LCMT1: variants seen among roughly 807,000 people sequenced by gnomAD.
LCMT1 encodes [Phosphatase 2A protein]-leucine-carboxy methyltransferase 1.
LCMT1 carries 32 observed loss-of-function variants against 47.7 expected under a neutral mutation model. That is an observed-to-expected ratio of 0.67 (90% CI 0.51 to 0.90). LCMT1 has a LOEUF of 0.90. Among genes scored for constraint, LCMT1 ranks in the 40% least tolerant of loss-of-function variants. LCMT1 has a pLI of 0.00. For synonymous variants in LCMT1, 152 were observed against 149.7 expected, an observed-to-expected ratio of 1.02 and a Z score of -0.11; for missense variants, 375 against 415.2, an observed-to-expected ratio of 0.90 and a Z score of 0.84.
intron 1 of LCMT1, chr16:25,125,855 A>AATG (rs1462575720): frequency 1.2e-4 from 24 of 199,200 alleles, no homozygotes; most frequent in Non-Finnish European, 1.6e-4. Context: ...TAATAATAAT[A>AATG]ATAATAATAA....
At chr16:25,174,798 C>T in intron 9 of LCMT1, 139 bp from the exon 10 acceptor site, 1 of 428,838 alleles carries the variant, frequency 2.3e-6, no homozygotes, top group East Asian at 3.6e-5. Context: ...AAAATGGAGC[C>T]ACACCATAAT....
chr16:25,125,318 ACT>A (rs2141637510), intron 1 of LCMT1, among the ~76,000 whole-genome samples: 1 of 152,260 alleles, frequency 6.6e-6, no homozygotes, highest in East Asian at 1.9e-4. Context: ...TGATACTATA[ACT>A]CTGTGTTCAG....
chr16:25,166,122 T>C (rs1013148366), intron 7 of LCMT1, among the ~76,000 whole-genome samples: 1 of 151,618 alleles, frequency 6.6e-6, no homozygotes, highest in Non-Finnish European at 1.5e-5. Context: ...ATACAAAAAT[T>C]AGCCAGGCAT....
At chr16:25,143,455 C>G (rs1960756329) in intron 4 of LCMT1, 1 of 151,474 alleles carries the variant, frequency 6.6e-6, no homozygotes, top group Admixed American at 6.6e-5. Context: ...GAGCCTGTTA[C>G]CACTCTGAGG....
At position 25,175,635 on chromosome 16, in the gene LCMT1, A is replaced by T. The variant is rs557425191; in HGVS notation, c.982+601A>T. ...CAAGAAGAGCGAAACCCTGTCTCAAAAAATAAATAAATAAAGAATTCCTGG... is the reference window on the plus strand; with the variant it reads ...CAAGAAGAGCGAAACCCTGTCTCAATAAATAAATAAATAAAGAATTCCTGG... On this transcript the variant is annotated intron_variant, in intron 10 of 10. Coordinates refer to ENST00000399069, the MANE Select transcript of LCMT1 (RefSeq NM_016309.3). Among the ~76,000 whole-genome samples, 85 of 152,152 alleles carry T rather than the reference A, an allele frequency of 5.6e-4. 1 individual carries two copies. Among genetic ancestry groups the T allele is most frequent in the South Asian group, 1.9e-3 (9 of 4,814 alleles).
intron 5 of LCMT1, 119 bp downstream of exon 5, chr16:25,151,734 A>G (rs1961089993): frequency 3.4e-6 from 1 of 294,530 alleles, no homozygotes; most frequent in African/African-American, 3.0e-5. Flanking sequence ...GTGTTATACA[A>G]TGTATTGTCA....
chr16:25,113,564 G>T (rs911343273), intron 1 of LCMT1, among the ~76,000 whole-genome samples: 9 of 152,224 alleles, frequency 5.9e-5, no homozygotes, highest in Non-Finnish European at 1.3e-4. Context: ...TGTAGTCCAT[G>T]TAAGTGGTGA....
intron 7 of LCMT1, 117 bp from the exon 8 acceptor site, chr16:25,168,995 C>T: frequency 1.4e-6 from 1 of 729,224 alleles, no homozygotes; most frequent in Non-Finnish European, 2.4e-6. Context: ...GTTTCCTATG[C>T]TGGGTGTGCG....
In LCMT1 at chr16:25,160,236, C is replaced by T. The variant is rs140457976; in HGVS notation, c.467-866C>T. On this transcript the variant is annotated intron_variant, in intron 5 of 10. Transcript: ENST00000399069. ...TGTTGGGATTACAGGCGTGAGCCAC[C>T]GTGCCCAGCCAATAGAAATGTAAAT... Among the ~76,000 whole-genome samples the T allele has an allele frequency of 8.2e-3, 1,252 of 152,240 alleles. 17 individuals carry two copies. The highest frequency in any genetic ancestry group is 0.028 in the African/African-American group (1,162 of 41,522).
intron 1 of LCMT1, chr16:25,126,244 A>G: frequency 9.0e-7 from 1 of 1,108,788 alleles, no homozygotes; most frequent in Non-Finnish European, 1.2e-6. Context: ...GTGACCACGG[A>G]CAGGGTGCTC....
intron 4 of LCMT1, among the ~76,000 whole-genome samples, chr16:25,149,269 A>G (rs966246186): frequency 6.6e-6 from 1 of 152,114 alleles, no homozygotes; most frequent in Non-Finnish European, 1.5e-5. Flanking sequence ...CTCATCAGCT[A>G]TTGTTAGTGT....
At chr16:25,153,143 CTCCAGATTCT>C (rs1000660390) in intron 5 of LCMT1, among the ~76,000 whole-genome samples, 1 of 152,186 alleles carries the variant, frequency 6.6e-6, no homozygotes, top group Non-Finnish European at 1.5e-5. Flanking sequence ...TAGCCCACTC[CTCCAGATTCT>C]TCCAACCTCT....
chr16:25,151,591 C>T lies in LCMT1; in HGVS notation c.442C>T (p.His148Tyr), dbSNP rs1462451246. Residue 148 changes from histidine to tyrosine, a missense_variant, in exon 5 of 11, where the codon CAT becomes TAT. Transcript: ENST00000399069. The part of the protein sequence containing the change: ...PPLSSPILEL[H>Y]SEDTLQMDGH... The stretch of plus-strand genomic sequence containing the variant: ...CCTATCCAGCCCCATTCTAGAACTG[C>T]ATTCAGAGGACACACTTCAGATGGG... 6.2e-7 allele frequency: 1 copy of T among 1,613,426 alleles called. No individual in the cohort carries two copies. Among genetic ancestry groups the T allele is most frequent in the African/African-American group, 1.3e-5 (1 of 75,002 alleles).
rs1597549668 is a variant in LCMT1, at chr16:25,111,770, T to G, written c.-114T>G. ...ACTGAGCCGCGCCAGCTGAGCCAGGTAGGGCCCTACCCTCTTCTGTTGCTT... is the reference window on the plus strand; with the variant it reads ...ACTGAGCCGCGCCAGCTGAGCCAGGGAGGGCCCTACCCTCTTCTGTTGCTT... On this transcript the variant is annotated 5_prime_UTR_variant, in exon 1 of 11. Transcript: ENST00000399069. 3 of 702,914 alleles carry G rather than the reference T, an allele frequency of 4.3e-6. No individual in the cohort carries two copies. The highest frequency in any genetic ancestry group is 5.5e-5 in the East Asian group (2 of 36,224). The allele number at this position is 702,914 out of a possible 1,614,324, so 43.5% of individuals were successfully genotyped here.
intron 8 of LCMT1, 195 bp downstream of exon 8, chr16:25,169,408 C>T: frequency 2.0e-6 from 1 of 512,164 alleles, no homozygotes; most frequent in Non-Finnish European, 3.5e-6. Flanking sequence ...ACATTTCCTA[C>T]ACCCTATTAT....
At chr16:25,177,912 C>T (rs1597612704) in intron 10 of LCMT1, 89 bp from the exon 11 acceptor site, 3 of 1,116,538 alleles carry the variant, frequency 2.7e-6, no homozygotes, top group Non-Finnish European at 4.1e-6. Context: ...GTGGCTGGTG[C>T]CCCTGAGCCG....
intron 6 of LCMT1, among the ~76,000 whole-genome samples, chr16:25,164,304 G>A (rs1961521727): frequency 6.6e-6 from 1 of 152,190 alleles, no homozygotes; most frequent in Non-Finnish European, 1.5e-5. Context: ...TGTTGGCGTG[G>A]TGTGAGTGCA....
intron 3 of LCMT1, 158 bp from the exon 4 acceptor site, chr16:25,140,013 A>C: frequency 1.6e-6 from 1 of 609,994 alleles, no homozygotes; most frequent in Non-Finnish European, 2.9e-6. Context: ...CCTCAAATCT[A>C]TTCTTGAGTA....
rs189072726 is a variant in LCMT1, at chr16:25,170,756, G to A, written c.835G>A (p.Val279Ile). 3.2e-5 allele frequency: 52 copies of A among 1,613,372 alleles called. No individual in the cohort carries two copies. Among genetic ancestry groups the A allele is most frequent in the Non-Finnish European group, 4.2e-5 (49 of 1,179,560 alleles). Residue 279 changes from valine (V) to isoleucine (I), a missense_variant, in exon 9 of 11, where the codon GTC becomes ATC. Val to Ile is a conservative substitution (Grantham distance 29). Transcript: ENST00000399069. ...LSNGWETASA[V>I]DMMELYNRLP... ...GAATGGGTGGGAAACAGCATCGGCC[G>A]TCGACATGATGGAGTTGTACAACAG...
Sources: allele counts gnomAD v4.1 joint callset (sites outside exome capture counted in the v4.1 genomes callset), GRCh38; gene constraint gnomAD v4.1.1; transcripts MANE v1.5; gene names NCBI Gene and HGNC (gene_info 2026-07-23, HGNC 2026-07-21).